The following WWOX variants were observed in gnomAD, a reference collection of about 807,000 sequenced individuals.
The protein encoded by WWOX is WW domain containing oxidoreductase.
A neutral mutation model predicts 46.2 loss-of-function variants in WWOX; 69 were observed. The ratio of observed to expected loss-of-function variants is 1.49; its 90% CI spans 1.23 to 1.82. The LOEUF is 1.82. Ranked by LOEUF, WWOX falls within the 40% of genes most tolerant of loss-of-function variation. WWOX has a pLI of 0.00. For missense variants in WWOX, 919 were observed against 542.6 expected (o/e 1.69, Z -6.89); for synonymous variants, 359 against 202.6 (o/e 1.77, Z -6.56).
At chr16:78,846,539 G>T (rs1234675434) in intron 8 of WWOX, among the ~76,000 whole-genome samples, 1 of 152,056 alleles carries the variant, frequency 6.6e-6, no homozygotes, top group Non-Finnish European at 1.5e-5. Context: ...ATGACGTGGT[G>T]CATTTTTGGG....
intron 5 of WWOX, among the ~76,000 whole-genome samples, chr16:78,306,774 C>A (rs972648412): frequency 6.6e-6 from 1 of 151,752 alleles, no homozygotes; most frequent in African/African-American, 2.4e-5. Context: ...CTGTAAATCT[C>A]ACTCCTTCCC....
chr16:78,977,096 C>T (rs575740851), intron 8 of WWOX, among the ~76,000 whole-genome samples: 1 of 152,320 alleles, frequency 6.6e-6, no homozygotes, highest in Admixed American at 6.5e-5. Flanking sequence ...TGCCTCCAGG[C>T]AATTTCCTAC....
chr16:78,681,591 G>A (rs2047730865), intron 8 of WWOX, among the ~76,000 whole-genome samples: 1 of 151,448 alleles, frequency 6.6e-6, no homozygotes, highest in South Asian at 2.1e-4. Context: ...GGGCAATACA[G>A]GGCTCTGCCC....
chr16:78,734,929 A>C (rs138024328), intron 8 of WWOX, among the ~76,000 whole-genome samples: 2,876 of 131,620 alleles, frequency 0.022, 93 homozygotes, highest in African/African-American at 0.079. Context: ...GCAGTGACGC[A>C]ATCTCAGCTC....
At chr16:78,831,247 T>C (rs68020681) in intron 8 of WWOX, among the ~76,000 whole-genome samples, 2 of 152,108 alleles carry the variant, frequency 1.3e-5, no homozygotes, top group Non-Finnish European at 2.9e-5. Flanking sequence ...TTTCCCCCTT[T>C]ATAAGCTGTG....
intron 8 of WWOX, among the ~76,000 whole-genome samples, chr16:78,814,527 C>G (rs1464964817): frequency 3.3e-5 from 5 of 151,194 alleles, no homozygotes; most frequent in Non-Finnish European, 5.9e-5. Flanking sequence ...CATATATGTA[C>G]AAAACAAAAG....
intron 8 of WWOX, among the ~76,000 whole-genome samples, chr16:78,520,550 C>T (rs546318664): frequency 6.6e-6 from 1 of 151,934 alleles, no homozygotes; most frequent in African/African-American, 2.4e-5. Flanking sequence ...CTTGGATGCT[C>T]AGCACAGATT....
intron 5 of WWOX, chr16:78,179,731 C>G (rs1076515): frequency 0.44 from 67,421 of 152,120 alleles, 16,826 homozygotes; most frequent in African/African-American, 0.7. Flanking sequence ...TCTTAGGGAA[C>G]AAACAGCCGA....
At chr16:79,208,726 CTGA>C in intron 8 of WWOX, among the ~76,000 whole-genome samples, 1 of 151,934 alleles carries the variant, frequency 6.6e-6, no homozygotes, top group Middle Eastern at 3.4e-3. Context: ...CAGTCTTATT[CTGA>C]TGATATGTAG....
chr16:78,527,624 A>T (rs560363674), intron 8 of WWOX, among the ~76,000 whole-genome samples: 33 of 152,268 alleles, frequency 2.2e-4, no homozygotes, highest in African/African-American at 7.7e-4. Context: ...GTTTAACTAC[A>T]TTTAACCATG....
chr16:78,584,600 G>A (rs969025367), intron 8 of WWOX, among the ~76,000 whole-genome samples: 1 of 152,184 alleles, frequency 6.6e-6, no homozygotes, highest in African/African-American at 2.4e-5. Context: ...GCATGCTGTT[G>A]AGTGAAAGAA....
chr16:79,176,250 C>T (rs1196324307), intron 8 of WWOX, among the ~76,000 whole-genome samples: 12 of 152,196 alleles, frequency 7.9e-5, no homozygotes, highest in Non-Finnish European at 1.2e-4. Flanking sequence ...ATGGCAGCTA[C>T]GTTCCACAAA....
intron 8 of WWOX, among the ~76,000 whole-genome samples, chr16:78,498,608 C>G (rs2084977401): frequency 6.6e-6 from 1 of 152,154 alleles, no homozygotes; most frequent in Non-Finnish European, 1.5e-5. Flanking sequence ...ATGTTCATGG[C>G]AAGAAAAATT....
intron 8 of WWOX, among the ~76,000 whole-genome samples, chr16:78,589,135 G>A (rs945864628): frequency 6.6e-6 from 1 of 152,148 alleles, no homozygotes; most frequent in Non-Finnish European, 1.5e-5. Context: ...GTTTTGGCAG[G>A]GTTGAGTCTA....
chr16:79,088,877 A>T (rs1345821352), intron 8 of WWOX, among the ~76,000 whole-genome samples: 1 of 152,228 alleles, frequency 6.6e-6, no homozygotes, highest in African/African-American at 2.4e-5. Flanking sequence ...AGCTTACTGA[A>T]CATATTGATC....
chr16:78,648,118 A>C (rs1310211526), intron 8 of WWOX, among the ~76,000 whole-genome samples: 1 of 152,224 alleles, frequency 6.6e-6, no homozygotes, highest in Non-Finnish European at 1.5e-5. Flanking sequence ...TCAGTCAGAC[A>C]GGAATTATGT....
chr16:79,027,972 G>C (rs548087830), intron 8 of WWOX, among the ~76,000 whole-genome samples: 2 of 151,840 alleles, frequency 1.3e-5, no homozygotes, highest in South Asian at 4.2e-4. Context: ...TTGTTTTTGA[G>C]ACGGAGTGTC....
intron 8 of WWOX, among the ~76,000 whole-genome samples, chr16:78,751,002 A>G (rs1206789481): frequency 3.3e-5 from 5 of 152,122 alleles, no homozygotes; most frequent in Non-Finnish European, 4.4e-5. Context: ...CTTTGAATGT[A>G]TACCCACTAA....
At chr16:78,434,934 G>C (rs73572852) in intron 8 of WWOX, among the ~76,000 whole-genome samples, 3,865 of 152,232 alleles carry the variant, frequency 0.025, 157 homozygotes, top group African/African-American at 0.087. Flanking sequence ...AAAATATAAA[G>C]TCAGGGTAAA....
Sources: gnomAD v4.1 joint callset for allele counts (sites outside exome capture counted in the v4.1 genomes callset) on GRCh38, gnomAD v4.1.1 for gene constraint, MANE v1.5 for transcripts, NCBI Gene and HGNC (gene_info 2026-07-23, HGNC 2026-07-21) for gene names.